The following STXBP5L variants were observed in gnomAD, a reference collection of about 807,000 sequenced individuals.
STXBP5L encodes syntaxin-binding protein 5-like.
A neutral mutation model predicts 144.5 loss-of-function variants in STXBP5L; 65 were observed. The ratio of observed to expected loss-of-function variants is 0.45; its 90% CI spans 0.37 to 0.55. STXBP5L has a LOEUF of 0.55. Ranked by LOEUF, STXBP5L falls within the 20% of genes least tolerant of loss-of-function variation. The pLI is 0.00. For missense variants in STXBP5L, 1,298 were observed against 1,405.5 expected, an observed-to-expected ratio of 0.92 and a Z score of 1.22; for synonymous variants, 505 against 469.6, an observed-to-expected ratio of 1.08 and a Z score of -0.97.
At chr3:121,305,326 C>A (rs933022651) in intron 19 of STXBP5L, among the ~76,000 whole-genome samples, 1 of 152,036 alleles carries the variant, frequency 6.6e-6, no homozygotes, top group African/African-American at 2.4e-5. Flanking sequence ...GAAACCAGCA[C>A]AATGTTGATA....
chr3:121,206,165 T>G (rs1305089891), intron 10 of STXBP5L, among the ~76,000 whole-genome samples, 164 bp downstream of exon 10: 1 of 152,178 alleles, frequency 6.6e-6, no homozygotes, highest in Non-Finnish European at 1.5e-5. Flanking sequence ...CTCTGATGAT[T>G]ATTATTATGA....
intron 3 of STXBP5L, among the ~76,000 whole-genome samples, chr3:121,020,334 A>G (rs567923125): frequency 1.3e-5 from 2 of 152,364 alleles, no homozygotes; most frequent in East Asian, 3.9e-4. Flanking sequence ...TTTGGAAAAC[A>G]TATTTGAGGG....
rs117080232 is a variant in STXBP5L, at chr3:120,942,494, G to A, written c.190-12446G>A. On this transcript the variant is annotated intron_variant, in intron 2 of 26. Coordinates refer to ENST00000471454, the MANE Select transcript of STXBP5L (RefSeq NM_001308330.2). ...TATAATAGAAAATATATTATTCAAT[G>A]TTACTGAATAAAACCTTTGTTTTGA... 1.3e-3 allele frequency among the ~76,000 whole-genome samples: 190 copies of A among 151,426 alleles called. 1 individual carries two copies. The East Asian group carries it at 0.029, about 23-fold the overall frequency.
chr3:120,945,296 A>T (rs1710787485), intron 2 of STXBP5L, among the ~76,000 whole-genome samples: 1 of 151,842 alleles, frequency 6.6e-6, no homozygotes, highest in African/African-American at 2.4e-5. Flanking sequence ...ATTTACTGGC[A>T]AATCTTCTAC....
chr3:120,952,269 C>G (rs1711305385), intron 2 of STXBP5L, among the ~76,000 whole-genome samples: 1 of 151,990 alleles, frequency 6.6e-6, no homozygotes, highest in Non-Finnish European at 1.5e-5. Flanking sequence ...ATTTTAATAT[C>G]AATTCGGAGA....
intron 3 of STXBP5L, among the ~76,000 whole-genome samples, chr3:121,002,742 T>C (rs1002432957): frequency 6.6e-6 from 1 of 150,538 alleles, no homozygotes; most frequent in African/African-American, 2.5e-5. Context: ...TGTGTGATGT[T>C]CCCCTTCCTG....
intron 3 of STXBP5L, among the ~76,000 whole-genome samples, chr3:120,963,242 C>T (rs533251198): frequency 1.5e-4 from 23 of 152,196 alleles, no homozygotes; most frequent in African/African-American, 2.4e-5. Flanking sequence ...TTGACTTCCT[C>T]TTTTCCCAAT....
At chr3:121,373,098 T>C (rs1370284005) in intron 20 of STXBP5L, among the ~76,000 whole-genome samples, 3 of 152,156 alleles carry the variant, frequency 2.0e-5, no homozygotes, top group South Asian at 2.1e-4. Context: ...TAGGTAACAA[T>C]GTATCAGGTA....
At chr3:121,367,929 G>A (rs954104744) in intron 20 of STXBP5L, among the ~76,000 whole-genome samples, 1 of 151,252 alleles carries the variant, frequency 6.6e-6, no homozygotes, top group Non-Finnish European at 1.5e-5. Flanking sequence ...ACTTTTGAAA[G>A]CTTTGTAACA....
chr3:121,220,123 G>C (rs1289705028), intron 10 of STXBP5L, among the ~76,000 whole-genome samples: 2 of 151,792 alleles, frequency 1.3e-5, no homozygotes, highest in African/African-American at 4.8e-5. Context: ...TCCCTTTATA[G>C]TCACTCCTCT....
At chr3:121,266,593 C>T (rs921039643) in intron 18 of STXBP5L, among the ~76,000 whole-genome samples, 2 of 152,148 alleles carry the variant, frequency 1.3e-5, no homozygotes, top group Non-Finnish European at 2.9e-5. Context: ...TCTCACCACT[C>T]CTGTTCAACA....
At chr3:120,990,091 A>T (rs1211527176) in intron 3 of STXBP5L, among the ~76,000 whole-genome samples, 2 of 152,208 alleles carry the variant, frequency 1.3e-5, no homozygotes, top group African/African-American at 2.4e-5. Flanking sequence ...CCTTAAGCTG[A>T]TAGGCAACTT....
At chr3:120,922,918 T>C (rs1709426921) in intron 2 of STXBP5L, among the ~76,000 whole-genome samples, 1 of 152,014 alleles carries the variant, frequency 6.6e-6, no homozygotes, top group South Asian at 2.1e-4. Context: ...TTGAAGAGTT[T>C]GAGTAGAATT....
intron 3 of STXBP5L, among the ~76,000 whole-genome samples, chr3:120,963,144 G>A (rs1939078174): frequency 6.6e-6 from 1 of 152,218 alleles, no homozygotes; most frequent in Admixed American, 6.5e-5. Context: ...AGACTTTGCT[G>A]AAGTTGCTTA....
intron 6 of STXBP5L, among the ~76,000 whole-genome samples, chr3:121,118,478 G>A (rs1030254209): frequency 1.3e-5 from 2 of 151,570 alleles, no homozygotes; most frequent in Admixed American, 6.6e-5. Context: ...TGGAATGGCT[G>A]GTGGATAGGA....
chr3:121,363,950 A>G (rs1475517337), intron 20 of STXBP5L, among the ~76,000 whole-genome samples: 1 of 152,170 alleles, frequency 6.6e-6, no homozygotes, highest in Non-Finnish European at 1.5e-5. Context: ...CTTACCAGAT[A>G]TATGATTAGC....
chr3:121,095,698 T>C lies in STXBP5L; in HGVS notation c.471-19227T>C, dbSNP rs183318609. On this transcript the variant is annotated intron_variant, in intron 5 of 26. Transcript: ENST00000471454. ...AGTTAGCCATTCGTCTATTCTTTTT[T>C]CAAGGTTTTTAACTTCTTTGCGATG... is the stretch of plus-strand genomic sequence containing the variant. Among the ~76,000 whole-genome samples the C allele has an allele frequency of 1.5e-3, 228 of 152,294 alleles. 1 individual carries two copies. The highest frequency in any genetic ancestry group is 6.8e-3 in the Middle Eastern group (2 of 294).
At chr3:121,385,628 A>T (rs1218453238) in intron 22 of STXBP5L, among the ~76,000 whole-genome samples, 2 of 152,136 alleles carry the variant, frequency 1.3e-5, no homozygotes, top group Non-Finnish European at 2.9e-5. Flanking sequence ...ATTAATAGCC[A>T]TCATACTACC....
intron 2 of STXBP5L, among the ~76,000 whole-genome samples, chr3:120,952,836 T>C (rs1294307057): frequency 6.6e-6 from 1 of 152,096 alleles, no homozygotes; most frequent in Non-Finnish European, 1.5e-5. Flanking sequence ...TTGTACCCTG[T>C]CACCCAGGCT....
Sources: allele counts gnomAD v4.1 joint callset (sites outside exome capture counted in the v4.1 genomes callset), GRCh38; gene constraint gnomAD v4.1.1; transcripts MANE v1.5; gene names NCBI Gene and HGNC (gene_info 2026-07-23, HGNC 2026-07-21).